Variants in OVCH2 observed in about 807,000 individuals in gnomAD.
The protein encoded by OVCH2 is ovochymase 2, also known as ovochymase-2.
A neutral mutation model predicts 73.7 loss-of-function variants in OVCH2; 88 were observed. The ratio of observed to expected loss-of-function variants is 1.19; its 90% CI spans 1.01 to 1.43. The LOEUF (loss-of-function observed/expected upper bound fraction) is 1.43. Ranked by LOEUF, OVCH2 falls within the 40% of genes most tolerant of loss-of-function variation. The pLI is 0.00. For missense variants in OVCH2, 706 were observed against 674.5 expected (o/e 1.05, Z -0.52); for synonymous variants, 265 against 234.5 (o/e 1.13, Z -1.19).
chr11:7,679,717 G>A, the OVCH2 span, among the ~76,000 whole-genome samples: 1 of 152,156 alleles, frequency 6.6e-6, no homozygotes, highest in Non-Finnish European at 1.5e-5. Context: ...GTTCTTTGTA[G>A]CAGTATGAAA....
chr11:7,703,022 CT>C (rs1856472633), intron 3 of OVCH2, among the ~76,000 whole-genome samples: 1 of 152,230 alleles, frequency 6.6e-6, no homozygotes, highest in Non-Finnish European at 1.5e-5. Flanking sequence ...GATCGGTTGA[CT>C]CTTGTTAAAA....
At position 7,691,293 on chromosome 11, in the gene OVCH2, T is replaced by C. The variant is rs766530337; in HGVS notation, c.1615A>G (p.Thr539Ala). The change falls in exon 14 of 16, where the codon ACA (threonine) becomes GCA (alanine). Residue 539 changes from threonine (T) to alanine (A), a missense_variant. Physicochemically the swap from Thr to Ala is moderately conservative, Grantham distance 58. Transcript: ENST00000533663. ...CCTGCTTTAGGAATGAAGGAGACTG[T>C]AGCCTGAAAGCCCCTGCAGGTCCCG... ...ENGTCRGFQA[T>A]VSFIPKAVYP... The C allele has an allele frequency of 5.1e-5, 82 of 1,613,224 alleles. No individual in the cohort carries two copies. The highest frequency in any genetic ancestry group is 6.8e-5 in the Non-Finnish European group (80 of 1,179,688).
chr11:7,685,558 A>G (rs182085291), downstream of OVCH2, among the ~76,000 whole-genome samples: 54 of 151,110 alleles, frequency 3.6e-4, no homozygotes, highest in East Asian at 9.1e-3. Flanking sequence ...GTTGTCTTCC[A>G]GACCCAATCC....
chr11:7,691,528 TTCTAAA>T (rs1387203825), intron 13 of OVCH2, 128 bp from the exon 14 acceptor site: 109 of 1,281,844 alleles, frequency 8.5e-5, no homozygotes, highest in Non-Finnish European at 1.1e-4. Flanking sequence ...ACAATTCATT[TTCTAAA>T]TAAAGGCAGC....
chr11:7,695,329 A>T, intron 11 of OVCH2, 141 bp from the exon 12 acceptor site: 1 of 1,117,898 alleles, frequency 8.9e-7, no homozygotes, highest in South Asian at 1.7e-5. Context: ...GTAGTGCATG[A>T]TTCTCCAGAA....
In OVCH2 at chr11:7,691,954, G is replaced by A. The variant is rs548874578; in HGVS notation, c.1455C>T (p.Cys485=). Residue 485 remains cysteine (C), a synonymous_variant, in exon 13 of 16, where the codon TGC becomes TGT. Coordinates refer to ENST00000533663, the MANE Select transcript of OVCH2 (RefSeq NM_198185.7). ...QSLEIEESGD[C]TSDYVTVHSD... The stretch of plus-strand genomic sequence containing the variant: ...TGTGCACTGTCACATAGTCGGAAGT[G>A]CAGTCTCCACTTTCTTCTATTTCCA... 5 of 1,578,180 alleles carry A rather than the reference G, an allele frequency of 3.2e-6. No individual in the cohort carries two copies. The Admixed American group carries it at 5.4e-5, about 17-fold the overall frequency.
At chr11:7,682,658 G>A in the OVCH2 span, among the ~76,000 whole-genome samples, 1 of 152,190 alleles carries the variant, frequency 6.6e-6, no homozygotes, top group South Asian at 2.1e-4. Context: ...CAATGCTCAA[G>A]AACATTGCCC....
rs1189404900 is a variant in OVCH2, at chr11:7,706,306, C to T, written c.88+1G>A. On this transcript the variant is annotated splice_donor_variant, in intron 1 of 15. Transcript: ENST00000533663. LOFTEE classifies it high-confidence loss of function. ...AATTATAGAGTTCATTTGAAACTTA[C>T]CTTTGGGGAGCGAAAGAGTTGCAGA... is the stretch of plus-strand genomic sequence containing the variant. 5 of 1,581,098 alleles carry T rather than the reference C, an allele frequency of 3.2e-6. No homozygotes were observed. In the African/African-American group the frequency reaches 5.4e-5, roughly 17 times the overall value.
In OVCH2 at chr11:7,701,745, G is replaced by T. The variant is rs1175936564; in HGVS notation, c.530C>A (p.Thr177Lys). Residue 177 changes from threonine to lysine, a missense_variant, in exon 5 of 16, where the codon ACA becomes AAA. Transcript: ENST00000533663. ...AGTTAAGCGGCCCCAGCCTGCAGTT[G>T]TACAAATAAAACCAGCCTCAAATTG... ...REQFEAGFIC[T>K]TAGWGRLTEG... 1.2e-6 allele frequency: 2 copies of T among 1,612,360 alleles called. No individual in the cohort carries two copies. The highest frequency in any genetic ancestry group is 1.7e-6 in the Non-Finnish European group (2 of 1,179,408).
chr11:7,691,445 A>T (rs1477164373), intron 13 of OVCH2, 45 bp from the exon 14 acceptor site: 1 of 1,575,978 alleles, frequency 6.3e-7, no homozygotes, highest in South Asian at 1.2e-5. Flanking sequence ...AGCACCCAGC[A>T]GATAGCCATG....
the OVCH2 span, among the ~76,000 whole-genome samples, chr11:7,683,861 G>T: frequency 1.3e-5 from 2 of 151,854 alleles, no homozygotes; most frequent in Admixed American, 6.6e-5. Flanking sequence ...ACTCCTTCAG[G>T]CCTTTTCTCA....
rs1856178582 is a variant in OVCH2, at chr11:7,689,497, A to G, written c.*137T>C. On this transcript the variant is annotated 3_prime_UTR_variant, in exon 16 of 16. Coordinates refer to ENST00000533663, the MANE Select transcript of OVCH2 (RefSeq NM_198185.7). ...TCTGGAGGCTAGAAGTCCAAGATCA[A>G]CGTGTCAGCAGGGATGGCTCTGTCT... The G allele has an allele frequency of 2.8e-6, 1 of 363,436 alleles. No individual in the cohort carries two copies. 22.5% of individuals were successfully genotyped at this position (363,436 alleles called of 1,614,324 possible).
intron 8 of OVCH2, among the ~76,000 whole-genome samples, chr11:7,697,802 G>A (rs188853738): frequency 5.9e-5 from 9 of 151,982 alleles, no homozygotes; most frequent in African/African-American, 1.4e-4. Flanking sequence ...AATTTCATAC[G>A]TCCATGCATT....
chr11:7,701,728 G>A lies in OVCH2; in HGVS notation c.547C>T (p.Arg183Cys), dbSNP rs750962963. 71 of 1,611,408 alleles carry A rather than the reference G, an allele frequency of 4.4e-5. No homozygotes were observed. Among genetic ancestry groups the A allele is most frequent in the South Asian group, 3.1e-4 (28 of 90,316 alleles). ...GFICTTAGWG[R>C]LTEGGVLSQV... Reference sequence around the variant, plus strand: ...CACAAGTTCTTACCTTCAGTTAAGCGGCCCCAGCCTGCAGTTGTACAAATA... The same window carrying A: ...CACAAGTTCTTACCTTCAGTTAAGCAGCCCCAGCCTGCAGTTGTACAAATA... Residue 183 changes from arginine to cysteine, a missense_variant, in exon 5 of 16, where the codon CGC becomes TGC. By Grantham distance (180) the Arg-to-Cys change is radical (BLOSUM62 -3). Transcript: ENST00000533663.
chr11:7,686,666 A>G (rs1856144758), downstream of OVCH2, among the ~76,000 whole-genome samples: 1 of 152,234 alleles, frequency 6.6e-6, no homozygotes, highest in Admixed American at 6.5e-5. Context: ...GGAAATCAAA[A>G]TCCTGAAACT....
In OVCH2 at chr11:7,704,584, T is replaced by A; in HGVS notation, c.179A>T (p.Lys60Met). ...SRILGGSQVE[K>M]GSYPWQVSLK... Reference sequence around the variant, plus strand: ...ACTCACCTGCCAGGGATAGGAACCCTTCTCCACTTGGCTTCCTCCAAGAAT... The same window carrying A: ...ACTCACCTGCCAGGGATAGGAACCCATCTCCACTTGGCTTCCTCCAAGAAT... The change falls in exon 2 of 16, where the codon AAG (lysine) becomes ATG (methionine). Residue 60 changes from lysine (K) to methionine (M), a missense_variant. Transcript: ENST00000533663. The A allele has an allele frequency of 6.2e-7, 1 of 1,610,694 alleles. No individual in the cohort carries two copies. Among genetic ancestry groups the A allele is most frequent in the Non-Finnish European group, 8.5e-7 (1 of 1,177,594 alleles).
chr11:7,701,245 G>A (rs959775920), intron 6 of OVCH2, 79 bp downstream of exon 6: 4 of 1,475,934 alleles, frequency 2.7e-6, no homozygotes, highest in Non-Finnish European at 2.7e-6. Flanking sequence ...AAATTTCACT[G>A]AAATTTAAGA....
At chr11:7,705,919 T>C (rs1291958460) in intron 1 of OVCH2, among the ~76,000 whole-genome samples, 1 of 152,150 alleles carries the variant, frequency 6.6e-6, no homozygotes, top group Admixed American at 6.6e-5. Flanking sequence ...TGAACATGCT[T>C]CATATTTCTC....
At chr11:7,682,348 T>C in the OVCH2 span, among the ~76,000 whole-genome samples, 1 of 152,218 alleles carries the variant, frequency 6.6e-6, no homozygotes. Flanking sequence ...AATAACACTT[T>C]TGTTTTAATG....
Sources: gnomAD v4.1 joint callset for allele counts (sites outside exome capture counted in the v4.1 genomes callset) on GRCh38, gnomAD v4.1.1 for gene constraint, MANE v1.5 for transcripts, NCBI Gene and HGNC (gene_info 2026-07-23, HGNC 2026-07-21) for gene names.